Variants in ACCSL observed in about 807,000 individuals in gnomAD.
ACCSL encodes the protein 1-aminocyclopropane-1-carboxylate synthase homolog (inactive) like.
In ACCSL, 55 loss-of-function variants were observed where a neutral mutation model predicts 61.7. The observed-to-expected ratio is 0.89, with a 90% CI of 0.72 to 1.12. The LOEUF (loss-of-function observed/expected upper bound fraction) is 1.12, where lower values mean the gene tolerates loss of function less well. Among genes scored for constraint, ACCSL ranks in the 50% most tolerant of loss-of-function variants. ACCSL has a pLI of 0.00. For synonymous variants in ACCSL, 258 were observed against 264.3 expected (o/e 0.98, Z 0.23); for missense variants, 632 against 698.0 (o/e 0.91, Z 1.07).
chr11:44,050,676 C>T (rs1425705604), intron 3 of ACCSL, 54 bp downstream of exon 3: 1 of 1,549,614 alleles, frequency 6.5e-7, no homozygotes, highest in African/African-American at 1.4e-5. Context: ...CTGTCCTTAT[C>T]CAGAAGGAGG....
chr11:44,048,430 A>G lies in ACCSL; in HGVS notation c.394A>G (p.Asn132Asp). The change falls in exon 1 of 14, where the codon AAC becomes GAC. Residue 132 changes from asparagine to aspartate, a missense_variant. Physicochemically the swap from Asn to Asp is conservative, Grantham distance 23. Coordinates refer to ENST00000378832, the MANE Select transcript of ACCSL (RefSeq NM_001031854.2). ...QLSDCEAAFVNRDLSIRGIDI... is the reference protein window; with the variant it reads ...QLSDCEAAFVDRDLSIRGIDI... ...GAGTGATTGTGAAGCTGCCTTTGTCAACCGCGACCTATCCATCCGTGGGAT... is the reference window on the plus strand; with the variant it reads ...GAGTGATTGTGAAGCTGCCTTTGTCGACCGCGACCTATCCATCCGTGGGAT... 3 of 1,613,996 alleles carry G rather than the reference A, an allele frequency of 1.9e-6. No homozygotes were observed. The highest frequency in any genetic ancestry group is 2.5e-6 in the Non-Finnish European group (3 of 1,180,012).
chr11:43,956,140 C>T, the ACCSL span, among the ~76,000 whole-genome samples: 1 of 148,304 alleles, frequency 6.7e-6, no homozygotes, highest in African/African-American at 2.5e-5. Context: ...AAGTGAGGTA[C>T]AGAAACAACT....
the ACCSL span, among the ~76,000 whole-genome samples, chr11:44,020,799 T>A: frequency 2.0e-5 from 3 of 151,656 alleles, no homozygotes; most frequent in Admixed American, 2.0e-4. Context: ...TTCCCCTGAC[T>A]CCCCAAAGTC....
the ACCSL span, among the ~76,000 whole-genome samples, chr11:44,002,279 C>A: frequency 1.3e-5 from 2 of 152,084 alleles, no homozygotes; most frequent in African/African-American, 4.8e-5. Flanking sequence ...TGGGCCTGGC[C>A]TCGAAGGATT....
the ACCSL span, among the ~76,000 whole-genome samples, chr11:43,957,838 G>A: frequency 3.9e-5 from 6 of 152,092 alleles, no homozygotes; most frequent in South Asian, 2.1e-4. Context: ...ATGTGTGACC[G>A]CCCCCCCAAC....
the ACCSL span, among the ~76,000 whole-genome samples, chr11:43,988,414 C>G: frequency 2.0e-5 from 3 of 151,778 alleles, no homozygotes; most frequent in East Asian, 3.9e-4. Flanking sequence ...GGAATATTCT[C>G]CAAAACAGTG....
chr11:44,002,985 A>T, the ACCSL span, among the ~76,000 whole-genome samples: 1 of 152,176 alleles, frequency 6.6e-6, no homozygotes, highest in Non-Finnish European at 1.5e-5. Context: ...GGTCACAAGG[A>T]GGCTGCAGCT....
At chr11:44,006,716 G>T in the ACCSL span, among the ~76,000 whole-genome samples, 1 of 151,902 alleles carries the variant, frequency 6.6e-6, no homozygotes, top group African/African-American at 2.4e-5. Flanking sequence ...TGTTGGCCCG[G>T]CTGGTCTCGA....
the ACCSL span, chr11:43,942,464 C>T: frequency 4.7e-6 from 1 of 212,898 alleles, no homozygotes; most frequent in Non-Finnish European, 9.8e-6. Flanking sequence ...AGCCGGTTGG[C>T]GGGGGGCGGG....
the ACCSL span, among the ~76,000 whole-genome samples, chr11:43,948,260 AT>A: frequency 6.6e-6 from 1 of 152,178 alleles, no homozygotes; most frequent in Non-Finnish European, 1.5e-5. Flanking sequence ...CCTGAAGCAC[AT>A]TTGGGGTAGG....
At position 44,048,222 on chromosome 11, in the gene ACCSL, G is replaced by C; in HGVS notation, c.186G>C (p.Glu62Asp). ...CGCTGGAGGAAAGGAGGCACACTGA[G>C]GCCATCTGTGAGCATGAAGCCCTTC... ...GLSLEERRHTEAICEHEALLS... is the reference protein window; with the variant it reads ...GLSLEERRHTDAICEHEALLS... Residue 62 changes from glutamate (E) to aspartate (D), a missense_variant, in exon 1 of 14, where the codon GAG becomes GAC. By Grantham distance (45) the Glu-to-Asp change is conservative (BLOSUM62 2). Transcript: ENST00000378832. The C allele has an allele frequency of 1.2e-6, 2 of 1,614,180 alleles. No individual in the cohort carries two copies. Among genetic ancestry groups the C allele is most frequent in the Non-Finnish European group, 1.7e-6 (2 of 1,180,030 alleles).
the ACCSL span, among the ~76,000 whole-genome samples, chr11:44,017,277 A>G: frequency 6.6e-6 from 1 of 152,212 alleles, no homozygotes; most frequent in Non-Finnish European, 1.5e-5. Flanking sequence ...AGAAGGGAGC[A>G]GGATGTCCCA....
the ACCSL span, among the ~76,000 whole-genome samples, chr11:44,021,660 AC>A: frequency 1.8e-4 from 27 of 151,920 alleles, no homozygotes; most frequent in Non-Finnish European, 2.8e-4. Flanking sequence ...TGTTGCATTT[AC>A]TTTTGGGTTC....
the ACCSL span, chr11:43,942,919 C>T: frequency 2.1e-6 from 3 of 1,411,412 alleles, no homozygotes; most frequent in Non-Finnish European, 2.8e-6. Context: ...CCGCCAAGCC[C>T]GGCGAGCTGA....
chr11:44,009,810 T>C, the ACCSL span, among the ~76,000 whole-genome samples: 40 of 152,144 alleles, frequency 2.6e-4, no homozygotes, highest in African/African-American at 9.6e-4. Flanking sequence ...TGAGAACCAA[T>C]TGTGCATCTT....
the ACCSL span, among the ~76,000 whole-genome samples, chr11:44,035,407 A>G: frequency 1.1e-4 from 17 of 152,090 alleles, no homozygotes; most frequent in African/African-American, 4.1e-4. Context: ...TGTCATTTTC[A>G]ACTGTGGTTA....
chr11:44,035,894 C>T, the ACCSL span, among the ~76,000 whole-genome samples: 17 of 142,392 alleles, frequency 1.2e-4, no homozygotes, highest in African/African-American at 3.2e-4. Context: ...GCCGAGATCA[C>T]GCCATTGCAC....
chr11:44,038,089 T>A, the ACCSL span, among the ~76,000 whole-genome samples: 1 of 152,304 alleles, frequency 6.6e-6, no homozygotes, highest in Non-Finnish European at 1.5e-5. Context: ...GAGTACATTA[T>A]ATAGTATGCT....
At chr11:43,961,194 T>C in the ACCSL span, among the ~76,000 whole-genome samples, 2 of 152,166 alleles carry the variant, frequency 1.3e-5, no homozygotes, top group Non-Finnish European at 2.9e-5. Flanking sequence ...CTTTTATCTT[T>C]TTGGGACATT....
Sources: gnomAD v4.1 joint callset for allele counts (sites outside exome capture counted in the v4.1 genomes callset) on GRCh38, gnomAD v4.1.1 for gene constraint, MANE v1.5 for transcripts, NCBI Gene and HGNC (gene_info 2026-07-23, HGNC 2026-07-21) for gene names.